FHIP1A: variants seen among roughly 807,000 people sequenced by gnomAD.
FHIP1A encodes FHF complex subunit HOOK-interacting protein 1A.
A neutral mutation model predicts 88.6 loss-of-function variants in FHIP1A; 61 were observed. That is an observed-to-expected ratio of 0.69 (90% CI 0.56 to 0.85). The LOEUF is 0.85. Among genes scored for constraint, FHIP1A ranks in the 40% least tolerant of loss-of-function variants. The pLI, the probability that FHIP1A is intolerant of heterozygous loss-of-function variation, is 0.00. For missense variants in FHIP1A, 1,154 were observed against 1,273.5 expected, an observed-to-expected ratio of 0.91 and a Z score of 1.43; for synonymous variants, 478 against 496.0, an observed-to-expected ratio of 0.96 and a Z score of 0.48.
intron 3 of FHIP1A, among the ~76,000 whole-genome samples, chr4:151,559,006 A>T (rs887936890): frequency 6.6e-6 from 1 of 152,188 alleles, no homozygotes; most frequent in Non-Finnish European, 1.5e-5. Context: ...ATTTTTGTAT[A>T]TATTTATTCC....
At chr4:151,426,696 T>A (rs764876804) in intron 1 of FHIP1A, among the ~76,000 whole-genome samples, 1 of 152,110 alleles carries the variant, frequency 6.6e-6, no homozygotes, top group Non-Finnish European at 1.5e-5. Context: ...GCTGTTGTAA[T>A]GTAATCATAA....
chr4:151,519,487 T>TG (rs1731378051), intron 3 of FHIP1A, among the ~76,000 whole-genome samples: 1 of 152,150 alleles, frequency 6.6e-6, no homozygotes, highest in Admixed American at 6.5e-5. Context: ...GATAGACATC[T>TG]GGGGGTATTT....
intron 3 of FHIP1A, among the ~76,000 whole-genome samples, chr4:151,554,276 G>T (rs778705733): frequency 2.0e-5 from 3 of 152,144 alleles, no homozygotes; most frequent in Non-Finnish European, 4.4e-5. Flanking sequence ...GTTATCTGCT[G>T]ATGCAAACAC....
intron 3 of FHIP1A, among the ~76,000 whole-genome samples, chr4:151,525,909 C>T (rs911476256): frequency 1.3e-5 from 2 of 151,916 alleles, no homozygotes; most frequent in African/African-American, 2.4e-5. Context: ...CTGCGGCCTT[C>T]CGCAGTGTTT....
chr4:151,532,628 TG>T (rs1231633153), intron 3 of FHIP1A, among the ~76,000 whole-genome samples: 1 of 152,132 alleles, frequency 6.6e-6, no homozygotes, highest in Non-Finnish European at 1.5e-5. Context: ...GGGTGCTTTC[TG>T]GGATGGCGGT....
Position 151,425,254 on chromosome 4 carries a change from C to T in FHIP1A, c.-356+15789C>T, listed in dbSNP as rs117308871. Among the ~76,000 whole-genome samples, 40 of 152,208 alleles carry T rather than the reference C, an allele frequency of 2.6e-4. No homozygotes were observed. The East Asian group carries it at 7.1e-3, about 27-fold the overall frequency. On this transcript the variant is annotated intron_variant, in intron 1 of 13. Coordinates refer to ENST00000435205, the MANE Select transcript of FHIP1A (RefSeq NM_001109977.3). ...AAAAGGAGGACTATGTCAAACCATA[C>T]CATAAAGATGTAGCCAAATTCAGAG...
chr4:151,605,882 G>A (rs79547924), intron 7 of FHIP1A, among the ~76,000 whole-genome samples: 4 of 152,290 alleles, frequency 2.6e-5, no homozygotes, highest in South Asian at 2.1e-4. Context: ...GTATGTGGGC[G>A]GGCAGGCTGG....
In FHIP1A at chr4:151,483,312, T is replaced by TG. The variant is rs934758114; in HGVS notation, c.-123+671dup. Among the ~76,000 whole-genome samples the TG allele has an allele frequency of 6.4e-4, 96 of 150,250 alleles. 1 individual carries two copies. Among genetic ancestry groups the TG allele is most frequent in the Admixed American group, 2.5e-3 (38 of 15,030 alleles). ...TCTATAAATGATCTTCTTGTGGGGGTGGGGGGGTGTTTTGCAATATTTCCC... is the reference window on the plus strand; with the variant it reads ...TCTATAAATGATCTTCTTGTGGGGGTGGGGGGGGTGTTTTGCAATATTTCCC... On this transcript the variant is annotated intron_variant, in intron 3 of 13. Coordinates refer to ENST00000435205, the MANE Select transcript of FHIP1A (RefSeq NM_001109977.3).
At chr4:151,646,534 C>T (rs777833747) in intron 9 of FHIP1A, 24 bp from the exon 10 acceptor site, 35 of 1,526,756 alleles carry the variant, frequency 2.3e-5, no homozygotes, top group South Asian at 4.8e-5. Flanking sequence ...AGAGACCAAA[C>T]GCTTGTTCTT....
intron 3 of FHIP1A, among the ~76,000 whole-genome samples, chr4:151,542,775 A>G (rs1025199043): frequency 6.6e-6 from 1 of 152,176 alleles, no homozygotes; most frequent in African/African-American, 2.4e-5. Context: ...CGCTCCCTAC[A>G]GCATGGCACC....
At chr4:151,495,034 C>G (rs1730410520) in intron 3 of FHIP1A, among the ~76,000 whole-genome samples, 1 of 152,090 alleles carries the variant, frequency 6.6e-6, no homozygotes, top group African/African-American at 2.4e-5. Flanking sequence ...AATTTTGTAT[C>G]CTAAAACTTT....
chr4:151,411,349 A>ATTTT lies in FHIP1A; in HGVS notation c.-356+1894_-356+1897dup, dbSNP rs60777689. Among the ~76,000 whole-genome samples, 698 of 136,784 alleles carry ATTTT rather than the reference A, an allele frequency of 5.1e-3. 12 individuals are homozygous for ATTTT. The highest frequency in any genetic ancestry group is 0.016 in the African/African-American group (600 of 36,526). The allele number at this position is 136,784 out of a possible 152,430, so 89.7% of individuals were successfully genotyped here. A position where few individuals can be genotyped will look rare whatever the true frequency, so the allele number is the denominator to read the frequency against. On this transcript the variant is annotated intron_variant, in intron 1 of 13. Transcript: ENST00000435205. ...CTCTGAGGAGTGAAATTATATATATATTTTTTTTTTTTTAAAGTTAGGGTC... is the reference window on the plus strand; with the variant it reads ...CTCTGAGGAGTGAAATTATATATATATTTTTTTTTTTTTTTTTAAAGTTAGGGTC...
intron 3 of FHIP1A, among the ~76,000 whole-genome samples, chr4:151,519,108 G>T (rs114302520): frequency 4.6e-5 from 7 of 151,996 alleles, no homozygotes; most frequent in African/African-American, 1.7e-4. Flanking sequence ...AATGAAATGC[G>T]TACATCTTAA....
At chr4:151,433,215 G>T (rs963496850) in intron 1 of FHIP1A, among the ~76,000 whole-genome samples, 3 of 151,784 alleles carry the variant, frequency 2.0e-5, no homozygotes, top group African/African-American at 7.3e-5. Context: ...TATAAGATAA[G>T]TTGGAATGGG....
chr4:151,575,578 G>A (rs907971975), intron 4 of FHIP1A, among the ~76,000 whole-genome samples: 2 of 152,132 alleles, frequency 1.3e-5, no homozygotes, highest in Admixed American at 6.5e-5. Flanking sequence ...GTACTCCCTG[G>A]GTAGGGGCTA....
intron 3 of FHIP1A, among the ~76,000 whole-genome samples, chr4:151,497,297 G>A (rs1730498016): frequency 6.6e-6 from 1 of 152,090 alleles, no homozygotes; most frequent in African/African-American, 2.4e-5. Flanking sequence ...TTATCTATAT[G>A]CCATCTATAT....
At chr4:151,446,924 A>T (rs1229544095) in intron 1 of FHIP1A, among the ~76,000 whole-genome samples, 1 of 152,008 alleles carries the variant, frequency 6.6e-6, no homozygotes, top group Non-Finnish European at 1.5e-5. Flanking sequence ...ATAATATGAG[A>T]GCTGTAGTGT....
At chr4:151,414,539 G>T (rs1732812548) in intron 1 of FHIP1A, among the ~76,000 whole-genome samples, 1 of 152,190 alleles carries the variant, frequency 6.6e-6, no homozygotes, top group Non-Finnish European at 1.5e-5. Flanking sequence ...CGGTTTGTCT[G>T]CAATGTTTAG....
intron 9 of FHIP1A, among the ~76,000 whole-genome samples, chr4:151,640,863 T>C (rs553828462): frequency 6.6e-6 from 1 of 152,292 alleles, no homozygotes; most frequent in East Asian, 1.9e-4. Context: ...TACAAAAGTG[T>C]CCGCAGAGAT....
Sources: allele counts gnomAD v4.1 joint callset (sites outside exome capture counted in the v4.1 genomes callset), GRCh38; gene constraint gnomAD v4.1.1; transcripts MANE v1.5; gene names NCBI Gene and HGNC (gene_info 2026-07-23, HGNC 2026-07-21).